Variants in ACTR3 observed in about 807,000 individuals in gnomAD.
The protein encoded by ACTR3 is actin-related protein 3.
Under a neutral mutation model 56.8 loss-of-function variants are expected in ACTR3, and 12 were observed. The ratio of observed to expected loss-of-function variants is 0.21; its 90% CI spans 0.14 to 0.34. ACTR3 has a LOEUF of 0.34. Ranked by LOEUF, ACTR3 falls within the 10% of genes least tolerant of loss-of-function variation. The pLI, the probability that ACTR3 is intolerant of heterozygous loss-of-function variation, is 1.00. For missense variants in ACTR3, 282 were observed against 512.5 expected (o/e 0.55, Z 4.34); for synonymous variants, 162 against 167.4 (o/e 0.97, Z 0.25).
At position 113,914,350 on chromosome 2, in the gene ACTR3, C is replaced by T. The variant is rs1226903218; in HGVS notation, c.100+1123C>T. Among the ~76,000 whole-genome samples, 7 of 152,240 alleles carry T rather than the reference C, an allele frequency of 4.6e-5. No individual in the cohort carries two copies. In the South Asian group the frequency reaches 6.2e-4, roughly 14 times the overall value. ...CTGTCTGGCCGGGATCGGTGGCTCACGCCTGTAATCCCAGCACTTTGGGAG... is the reference window on the plus strand; with the variant it reads ...CTGTCTGGCCGGGATCGGTGGCTCATGCCTGTAATCCCAGCACTTTGGGAG... On this transcript the variant is annotated intron_variant, in intron 2 of 11. Transcript: ENST00000263238.
intron 1 of ACTR3, among the ~76,000 whole-genome samples, chr2:113,897,779 G>C (rs184573715): frequency 1.3e-5 from 2 of 151,870 alleles, no homozygotes; most frequent in Admixed American, 1.3e-4. Context: ...CACCCGTCTC[G>C]GCCAGATGTA....
chr2:113,938,976 T>C (rs1016296319), intron 6 of ACTR3, among the ~76,000 whole-genome samples: 1 of 152,136 alleles, frequency 6.6e-6, no homozygotes, highest in South Asian at 2.1e-4. Flanking sequence ...TCTTAGAAAG[T>C]ATCTCTGCCC....
At chr2:113,924,243 AT>A (rs1222977721) in intron 3 of ACTR3, among the ~76,000 whole-genome samples, 190 of 143,520 alleles carry the variant, frequency 1.3e-3, no homozygotes, top group Non-Finnish European at 1.2e-3. Flanking sequence ...CTAATTAAAA[AT>A]TTTTTTTTTT....
intron 7 of ACTR3, among the ~76,000 whole-genome samples, chr2:113,940,536 A>ATAGGAG (rs1679905066): frequency 6.6e-6 from 1 of 152,164 alleles, no homozygotes; most frequent in Non-Finnish European, 1.5e-5. Context: ...GGCTCAAGTG[A>ATAGGAG]TAGGGCACAT....
At chr2:113,940,205 T>C in intron 7 of ACTR3, 103 bp downstream of exon 7, 4 of 1,023,530 alleles carry the variant, frequency 3.9e-6, no homozygotes, top group Non-Finnish European at 5.6e-6. Context: ...GAAATAATCT[T>C]GTTAACCAGT....
intron 1 of ACTR3, among the ~76,000 whole-genome samples, chr2:113,906,408 C>T (rs571554990): frequency 5.3e-4 from 81 of 152,220 alleles, no homozygotes; most frequent in African/African-American, 1.8e-3. Context: ...AATATTTTCT[C>T]CCATTCTGTG....
At chr2:113,914,373 G>A (rs1031700124) in intron 2 of ACTR3, among the ~76,000 whole-genome samples, 10 of 152,260 alleles carry the variant, frequency 6.6e-5, no homozygotes, top group East Asian at 1.9e-4. Flanking sequence ...AGCACTTTGG[G>A]AGGCCGAGGC....
chr2:113,897,632 T>C (rs990388903), intron 1 of ACTR3, among the ~76,000 whole-genome samples: 28 of 151,346 alleles, frequency 1.9e-4, no homozygotes, highest in African/African-American at 6.1e-4. Context: ...GTTCAAGCTA[T>C]TCTTCTGCCT....
At position 113,957,762 on chromosome 2, in the gene ACTR3, A is replaced by T. The variant is rs1680243494; in HGVS notation, c.*307A>T. The T allele has an allele frequency of 3.6e-6, 1 of 275,966 alleles. No homozygotes were observed. Among genetic ancestry groups the T allele is most frequent in the Admixed American group, 4.5e-5 (1 of 22,282 alleles). 17.1% of individuals were successfully genotyped at this position (275,966 alleles called of 1,614,324 possible). A position where few individuals can be genotyped will look rare whatever the true frequency, so the allele number is the denominator to read the frequency against. On this transcript the variant is annotated 3_prime_UTR_variant, in exon 12 of 12. Transcript: ENST00000263238. Reference sequence around the variant, plus strand: ...AATTATCCAAGATTCGATGGGATTTATCAGTGTGTAGATAGCTCTATAATG... The same window carrying T: ...AATTATCCAAGATTCGATGGGATTTTTCAGTGTGTAGATAGCTCTATAATG...
At chr2:113,951,244 A>T in intron 8 of ACTR3, 1 of 330,538 alleles carries the variant, frequency 3.0e-6, no homozygotes, top group Non-Finnish European at 5.6e-6. Context: ...TTGCCAGCTC[A>T]TAGTATATGT....
chr2:113,941,219 G>A (rs768250271), intron 7 of ACTR3, among the ~76,000 whole-genome samples: 7 of 152,078 alleles, frequency 4.6e-5, no homozygotes, highest in Non-Finnish European at 8.8e-5. Context: ...ACCCCAAGTT[G>A]GTGGCATAAG....
intron 3 of ACTR3, among the ~76,000 whole-genome samples, chr2:113,926,485 G>A (rs1342251432): frequency 6.6e-6 from 1 of 152,148 alleles, no homozygotes. Flanking sequence ...AAGAAAAGAG[G>A]TTTATTTTGG....
chr2:113,919,139 A>C (rs1209234212), intron 3 of ACTR3, among the ~76,000 whole-genome samples: 1 of 151,708 alleles, frequency 6.6e-6, no homozygotes, highest in Non-Finnish European at 1.5e-5. Flanking sequence ...TATTTCACTT[A>C]ACAAATACTT....
At chr2:113,897,423 A>G (rs552610354) in intron 1 of ACTR3, among the ~76,000 whole-genome samples, 1 of 152,196 alleles carries the variant, frequency 6.6e-6, no homozygotes, top group South Asian at 2.1e-4. Flanking sequence ...AGAATTTTCA[A>G]AATTCTTTCC....
rs1238380454 is a variant in ACTR3 at position 113,961,674 on chromosome 2, G to T, written c.*4219G>T. ...CTGTCTACTGTGGTTCAAGTACTGT[G>T]CATAAAGATGAATAAATATTCTGTC... On this transcript the variant is annotated 3_prime_UTR_variant, in exon 12 of 12. Transcript: ENST00000263238. 6.6e-6 allele frequency: 1 copy of T among 151,930 alleles called. No individual in the cohort carries two copies. The allele number at this position is 151,930 out of a possible 1,614,324, so 9.4% of individuals were successfully genotyped here.
intron 3 of ACTR3, among the ~76,000 whole-genome samples, chr2:113,921,847 G>A (rs11889821): frequency 0.3 from 45,270 of 152,016 alleles, 11,086 homozygotes; most frequent in African/African-American, 0.67. Flanking sequence ...GAAAGTGTCA[G>A]TTACCTTAGA....
At chr2:113,928,936 A>G (rs971116378) in intron 4 of ACTR3, among the ~76,000 whole-genome samples, 1 of 152,156 alleles carries the variant, frequency 6.6e-6, no homozygotes, top group Non-Finnish European at 1.5e-5. Flanking sequence ...AGCTTTGCCC[A>G]TGTTTGAGTG....
At chr2:113,905,011 C>T (rs1413332656) in intron 1 of ACTR3, 1 of 151,994 alleles carries the variant, frequency 6.6e-6, no homozygotes, top group Non-Finnish European at 1.5e-5. Flanking sequence ...TTTCTTTTGG[C>T]TACTTTGGGT....
chr2:113,926,468 AT>A, intron 3 of ACTR3, among the ~76,000 whole-genome samples: 1 of 152,182 alleles, frequency 6.6e-6, no homozygotes, highest in African/African-American at 2.4e-5. Flanking sequence ...AGACTGAGTA[AT>A]TTATAAAGAA....
Sources: gnomAD v4.1 joint callset for allele counts (sites outside exome capture counted in the v4.1 genomes callset) on GRCh38, gnomAD v4.1.1 for gene constraint, MANE v1.5 for transcripts, NCBI Gene and HGNC (gene_info 2026-07-23, HGNC 2026-07-21) for gene names.